Variants in SIL1 observed in about 807,000 individuals in gnomAD.
The protein encoded by SIL1 is SIL1 nucleotide exchange factor, also known as nucleotide exchange factor SIL1.
In SIL1, 40 loss-of-function variants were observed where a neutral mutation model predicts 49.1. That is an observed-to-expected ratio of 0.81 (90% confidence interval 0.63 to 1.06). The LOEUF (loss-of-function observed/expected upper bound fraction) is 1.06, where lower values mean the gene tolerates loss of function less well. Among genes scored for constraint, SIL1 ranks in the 50% least tolerant of loss-of-function variants. The pLI is 0.00. For synonymous variants in SIL1, 253 were observed against 250.8 expected (o/e 1.01, Z -0.08); for missense variants, 500 against 572.6 (o/e 0.87, Z 1.29).
intron 3 of SIL1, among the ~76,000 whole-genome samples, chr5:139,099,023 G>C (rs1373808453): frequency 1.3e-5 from 2 of 151,702 alleles, no homozygotes; most frequent in Non-Finnish European, 2.9e-5. Flanking sequence ...CACCATGTTG[G>C]CCAGGTTGTT....
intron 6 of SIL1, among the ~76,000 whole-genome samples, chr5:139,023,643 G>A (rs1409364209): frequency 6.6e-6 from 1 of 152,202 alleles, no homozygotes; most frequent in Non-Finnish European, 1.5e-5. Context: ...GACCTGGTTT[G>A]GGTCCTTGGA....
chr5:139,023,764 A>C (rs1768582547), intron 6 of SIL1, among the ~76,000 whole-genome samples: 1 of 152,116 alleles, frequency 6.6e-6, no homozygotes, highest in Admixed American at 6.5e-5. Context: ...CATCACCCCA[A>C]GCCCCCATCA....
chr5:139,143,306 TACACAC>T (rs752710937), intron 1 of SIL1, among the ~76,000 whole-genome samples: 2,981 of 123,570 alleles, frequency 0.024, 71 homozygotes, highest in Non-Finnish European at 0.032. Context: ...TATACATATA[TACACAC>T]ACACACACAC....
intron 1 of SIL1, among the ~76,000 whole-genome samples, chr5:139,149,094 T>C (rs999656786): frequency 3.3e-5 from 5 of 151,906 alleles, no homozygotes; most frequent in Non-Finnish European, 7.4e-5. Context: ...GGTGCTTGGG[T>C]TGTAGCTCAC....
At chr5:139,046,637 A>G (rs1581056467) in intron 4 of SIL1, among the ~76,000 whole-genome samples, 1 of 152,168 alleles carries the variant, frequency 6.6e-6, no homozygotes, top group Non-Finnish European at 1.5e-5. Flanking sequence ...TTTTGTCCAT[A>G]TCATCCTTGT....
intron 1 of SIL1, among the ~76,000 whole-genome samples, chr5:139,165,643 G>A (rs1392126986): frequency 6.6e-6 from 1 of 150,774 alleles, no homozygotes; most frequent in African/African-American, 2.4e-5. Context: ...ACCAATGTCT[G>A]TCTTTTTTAT....
At chr5:139,113,011 T>C (rs1439886081) in intron 3 of SIL1, among the ~76,000 whole-genome samples, 5 of 152,210 alleles carry the variant, frequency 3.3e-5, no homozygotes, top group Non-Finnish European at 2.9e-5. Context: ...AACCCTGTGC[T>C]CTCTGAAACA....
At chr5:139,114,060 G>A (rs1000362649) in intron 3 of SIL1, among the ~76,000 whole-genome samples, 24 of 152,224 alleles carry the variant, frequency 1.6e-4, no homozygotes, top group African/African-American at 5.8e-4. Context: ...GCCAACAGCT[G>A]CTCTCCATCA....
At chr5:138,972,932 AAGGGAGG>A (rs1767313125) in intron 7 of SIL1, among the ~76,000 whole-genome samples, 1 of 152,166 alleles carries the variant, frequency 6.6e-6, no homozygotes, top group South Asian at 2.1e-4. Flanking sequence ...ATAAGAGCAG[AAGGGAGG>A]ACAACCCAGG....
At chr5:139,081,935 T>C (rs1258931132) in intron 3 of SIL1, among the ~76,000 whole-genome samples, 1 of 151,656 alleles carries the variant, frequency 6.6e-6, no homozygotes, top group Non-Finnish European at 1.5e-5. Flanking sequence ...GCCATTCTCA[T>C]TGCAGCCTAG....
intron 3 of SIL1, among the ~76,000 whole-genome samples, chr5:139,101,023 T>G (rs1770576296): frequency 2.0e-5 from 3 of 151,846 alleles, no homozygotes; most frequent in African/African-American, 7.2e-5. Flanking sequence ...AGAGCAGAGG[T>G]CCAAGGACTG....
At chr5:139,177,081 C>T (rs1041472920) in intron 1 of SIL1, among the ~76,000 whole-genome samples, 7 of 151,696 alleles carry the variant, frequency 4.6e-5, no homozygotes, top group African/African-American at 1.4e-4. Context: ...TACAGGCGCC[C>T]GCCACCACAG....
At chr5:139,188,987 A>T (rs929775) in intron 1 of SIL1, among the ~76,000 whole-genome samples, 4 of 152,026 alleles carry the variant, frequency 2.6e-5, no homozygotes, top group Non-Finnish European at 4.4e-5. Flanking sequence ...TCAGCATGAA[A>T]TACCTATAAC....
intron 1 of SIL1, among the ~76,000 whole-genome samples, chr5:139,193,181 GA>G (rs1243713874): frequency 2.6e-5 from 4 of 151,956 alleles, no homozygotes; most frequent in Admixed American, 6.6e-5. Context: ...ATTCTTGGGG[GA>G]AAAAAAGTTA....
At chr5:139,163,277 T>C (rs1171204860) in intron 1 of SIL1, among the ~76,000 whole-genome samples, 1 of 152,024 alleles carries the variant, frequency 6.6e-6, no homozygotes, top group Non-Finnish European at 1.5e-5. Context: ...GATTCCAAGA[T>C]GGAAACTGAC....
chr5:139,112,567 G>A (rs1278467681), intron 3 of SIL1, among the ~76,000 whole-genome samples: 4 of 150,512 alleles, frequency 2.7e-5, no homozygotes, highest in African/African-American at 4.9e-5. Flanking sequence ...CCCTCCGCCC[G>A]GCAGCCGCCC....
intron 7 of SIL1, among the ~76,000 whole-genome samples, chr5:138,965,681 C>T (rs1266109807): frequency 6.8e-6 from 1 of 147,250 alleles, no homozygotes; most frequent in Non-Finnish European, 1.5e-5. Context: ...TAACTCTAGG[C>T]ACCCACGGAG....
intron 7 of SIL1, among the ~76,000 whole-genome samples, chr5:138,973,627 A>AT (rs200102872): frequency 0.011 from 1,657 of 151,512 alleles, 28 homozygotes; most frequent in African/African-American, 0.037. Flanking sequence ...ACCTGACTAA[A>AT]TTTTTTTTTA....
chr5:139,092,662 A>G (rs1287137705), intron 3 of SIL1, among the ~76,000 whole-genome samples: 2 of 152,318 alleles, frequency 1.3e-5, no homozygotes, highest in Admixed American at 1.3e-4. Context: ...CTTTGGGCTC[A>G]AGACAACGGG....
Sources: allele counts gnomAD v4.1 joint callset (sites outside exome capture counted in the v4.1 genomes callset), GRCh38; gene constraint gnomAD v4.1.1; transcripts MANE v1.5; gene names NCBI Gene and HGNC (gene_info 2026-07-23, HGNC 2026-07-21).